The following ZDHHC14 variants were observed in gnomAD, a reference collection of about 807,000 sequenced individuals.
ZDHHC14 encodes zDHHC palmitoyltransferase 14.
A neutral mutation model predicts 47.7 loss-of-function variants in ZDHHC14; 16 were observed. That is an observed-to-expected ratio of 0.34 (90% CI 0.23 to 0.51). ZDHHC14 has a LOEUF of 0.51. Ranked by LOEUF, ZDHHC14 falls within the 20% of genes least tolerant of loss-of-function variation. ZDHHC14 has a pLI of 0.97. For synonymous variants in ZDHHC14, 293 were observed against 278.9 expected (o/e 1.05, Z -0.50); for missense variants, 515 against 662.5 (o/e 0.78, Z 2.44).
intron 1 of ZDHHC14, among the ~76,000 whole-genome samples, chr6:157,516,097 T>C (rs1232693431): frequency 1.3e-5 from 2 of 152,244 alleles, no homozygotes; most frequent in African/African-American, 4.8e-5. Flanking sequence ...TGCCTGCTTA[T>C]AAACTCGATA....
chr6:157,587,840 G>T (rs1582982691), intron 2 of ZDHHC14, among the ~76,000 whole-genome samples: 1 of 152,310 alleles, frequency 6.6e-6, no homozygotes, highest in East Asian at 1.9e-4. Context: ...GAAGACCAAG[G>T]CTGGGCACAG....
chr6:157,458,885 G>C (rs1276870246), intron 1 of ZDHHC14, among the ~76,000 whole-genome samples: 2 of 59,404 alleles, frequency 3.4e-5, no homozygotes, highest in Admixed American at 2.1e-4. Context: ...ACGGAGTTTC[G>C]CTCTTGTTGC....
intron 1 of ZDHHC14, among the ~76,000 whole-genome samples, chr6:157,385,308 T>A (rs908210077): frequency 6.6e-6 from 1 of 151,818 alleles, no homozygotes; most frequent in African/African-American, 2.4e-5. Flanking sequence ...CTCACTATGA[T>A]CCTGGGCTCA....
rs868175211 is a variant in ZDHHC14, at chr6:157,572,645, G to T, written c.407-20343G>T. ...ATCTCCTAATGCTATCCCTCCCCCC[G>T]CCCCCCACCCCACAACAGTCCCCGG... On this transcript the variant is annotated intron_variant, in intron 2 of 8. Transcript: ENST00000359775. 4.2e-3 allele frequency among the ~76,000 whole-genome samples: 270 copies of T among 64,172 alleles called. 3 individuals carry two copies. Among genetic ancestry groups the T allele is most frequent in the African/African-American group, 0.017 (245 of 14,706 alleles). 42.1% of individuals were successfully genotyped at this position (64,172 alleles called of 152,430 possible).
At position 157,673,125 on chromosome 6, in the gene ZDHHC14, C is replaced by A; in HGVS notation, c.*3C>A. ...TGGTGAAGCTCAGCTCCGTGTGACC[C>A]ACATGGCCCCAGGCCGGGGGACACC... On this transcript the variant is annotated 3_prime_UTR_variant, in exon 9 of 9. Transcript: ENST00000359775. The surrounding 1 kb of genome is among the most constrained non-coding windows in gnomAD (Gnocchi z 5.4). 1 of 1,567,824 alleles carries A rather than the reference C, an allele frequency of 6.4e-7. No homozygotes were observed. The highest frequency in any genetic ancestry group is 2.3e-5 in the East Asian group (1 of 43,590).
intron 5 of ZDHHC14, among the ~76,000 whole-genome samples, chr6:157,639,557 C>A (rs1777147442): frequency 6.6e-6 from 1 of 152,224 alleles, no homozygotes; most frequent in Non-Finnish European, 1.5e-5. Context: ...CCACCTCGGC[C>A]TCCCAAAGTG....
intron 2 of ZDHHC14, among the ~76,000 whole-genome samples, chr6:157,556,090 C>T (rs111764691): frequency 0.021 from 3,238 of 152,156 alleles, 108 homozygotes; most frequent in African/African-American, 0.075. Flanking sequence ...TACAAACTAG[C>T]GACTGAACAG....
At chr6:157,602,135 C>T (rs1204661026) in intron 3 of ZDHHC14, among the ~76,000 whole-genome samples, 1 of 147,924 alleles carries the variant, frequency 6.8e-6, no homozygotes, top group Non-Finnish European at 1.5e-5. Context: ...CCGGGAGGCT[C>T]GAGGTTGCAG....
intron 1 of ZDHHC14, among the ~76,000 whole-genome samples, chr6:157,466,483 T>C (rs1448160798): frequency 2.6e-5 from 4 of 152,214 alleles, no homozygotes; most frequent in African/African-American, 9.6e-5. Flanking sequence ...ATATGTGTTA[T>C]TTAAAAAATT....
intron 2 of ZDHHC14, among the ~76,000 whole-genome samples, chr6:157,554,526 A>G (rs957405172): frequency 2.0e-5 from 3 of 152,216 alleles, no homozygotes; most frequent in African/African-American, 7.2e-5. Context: ...TTCTTTTGTC[A>G]CACAGTACAT....
intron 1 of ZDHHC14, among the ~76,000 whole-genome samples, chr6:157,453,145 G>A (rs890932319): frequency 5.3e-5 from 8 of 152,000 alleles, no homozygotes; most frequent in African/African-American, 1.7e-4. Flanking sequence ...TAGGATAACC[G>A]TGGGTGTTAC....
rs1294106418 is a variant in ZDHHC14 at position 157,427,511 on chromosome 6, G to T, written c.245+45245G>T. On this transcript the variant is annotated intron_variant, in intron 1 of 8. Coordinates refer to ENST00000359775, the MANE Select transcript of ZDHHC14 (RefSeq NM_024630.3). The surrounding 1 kb of genome is among the most constrained non-coding windows in gnomAD (Gnocchi z 4.4). ...GGATGGTTGGCTGGGTTCACTCAGG[G>T]TTGGAGTTTAACAGAGCAAATGCAG... is the stretch of plus-strand genomic sequence containing the variant. Among the ~76,000 whole-genome samples, 1 of 152,110 alleles carries T rather than the reference G, an allele frequency of 6.6e-6. No homozygotes were observed. Among genetic ancestry groups the T allele is most frequent in the African/African-American group, 2.4e-5 (1 of 41,394 alleles).
intron 2 of ZDHHC14, among the ~76,000 whole-genome samples, chr6:157,550,001 C>T (rs939958768): frequency 6.6e-6 from 1 of 152,212 alleles, no homozygotes; most frequent in Non-Finnish European, 1.5e-5. Context: ...TGTCTTGTAG[C>T]TCCTGTCTCC....
At chr6:157,557,564 T>G (rs1351025349) in intron 2 of ZDHHC14, among the ~76,000 whole-genome samples, 1 of 152,146 alleles carries the variant, frequency 6.6e-6, no homozygotes, top group Non-Finnish European at 1.5e-5. Context: ...AAGAATGAGA[T>G]GAAAACAAAA....
rs1349152938 is a variant in ZDHHC14 at position 157,676,618 on chromosome 6, G to C, written c.*3496G>C. 1.3e-5 allele frequency: 2 copies of C among 152,284 alleles called. No homozygotes were observed. The highest frequency in any genetic ancestry group is 2.9e-5 in the Non-Finnish European group (2 of 68,086). 9.4% of individuals were successfully genotyped at this position (152,284 alleles called of 1,614,324 possible). A position where few individuals can be genotyped will look rare whatever the true frequency, so the allele number is the denominator to read the frequency against. Reference sequence around the variant, plus strand: ...ACTCAACAGCAAGAAAAATGAACTTGCCAAAATTGGCAGTAGGTGTCCTTG... The same window carrying C: ...ACTCAACAGCAAGAAAAATGAACTTCCCAAAATTGGCAGTAGGTGTCCTTG... On this transcript the variant is annotated 3_prime_UTR_variant, in exon 9 of 9. Coordinates refer to ENST00000359775, the MANE Select transcript of ZDHHC14 (RefSeq NM_024630.3).
chr6:157,548,123 A>C (rs1311164576), intron 2 of ZDHHC14, among the ~76,000 whole-genome samples: 1 of 151,280 alleles, frequency 6.6e-6, no homozygotes, highest in Non-Finnish European at 1.5e-5. Context: ...AAAATCTGGC[A>C]GGGTCAACAT....
In ZDHHC14 at chr6:157,672,828, G is replaced by A. The variant is rs752574253; in HGVS notation, c.1173G>A (p.Leu391=). ...GCCTCACCAGCGACGAGCTGCACCT[G>A]CCCGGGAAGCCTGGCCTGGGCACGC... is the stretch of plus-strand genomic sequence containing the variant. ...EPSLTSDELH[L]PGKPGLGTPC... is the part of the protein sequence containing the mutation. Residue 391 remains leucine (L), a synonymous_variant, in exon 9 of 9, where the codon CTG becomes CTA. Transcript: ENST00000359775. 1 of 1,611,862 alleles carries A rather than the reference G, an allele frequency of 6.2e-7. No homozygotes were observed. The highest frequency in any genetic ancestry group is 1.1e-5 in the South Asian group (1 of 90,952).
chr6:157,431,534 A>G (rs1230844027), intron 1 of ZDHHC14, among the ~76,000 whole-genome samples: 1 of 152,036 alleles, frequency 6.6e-6, no homozygotes, highest in African/African-American at 2.4e-5. Flanking sequence ...GGAGGACCTT[A>G]GTGTATTTGA....
At chr6:157,462,625 A>C (rs2114816093) in intron 1 of ZDHHC14, among the ~76,000 whole-genome samples, 1 of 152,342 alleles carries the variant, frequency 6.6e-6, no homozygotes, top group South Asian at 2.1e-4. Context: ...TCTTTGGAGG[A>C]GAATGCCTAT....
Sources: allele counts gnomAD v4.1 joint callset (sites outside exome capture counted in the v4.1 genomes callset), GRCh38; gene constraint gnomAD v4.1.1; non-coding constraint Gnocchi (gnomAD v3.1); transcripts MANE v1.5; gene names NCBI Gene and HGNC (gene_info 2026-07-23, HGNC 2026-07-21).